Variants in ZNF16 observed in about 807,000 individuals in gnomAD.
ZNF16 encodes zinc finger protein 16.
A neutral mutation model predicts 9.0 loss-of-function variants in ZNF16; 7 were observed. The observed-to-expected ratio is 0.78, with a 90% confidence interval of 0.44 to 1.47. The LOEUF (loss-of-function observed/expected upper bound fraction) is 1.47, where lower values mean the gene tolerates loss of function less well. Ranked by LOEUF, ZNF16 falls within the 40% of genes most tolerant of loss-of-function variation. The pLI, the probability that ZNF16 is intolerant of heterozygous loss-of-function variation, is 0.01. For synonymous variants in ZNF16, 312 were observed against 301.5 expected (o/e 1.03, Z -0.36); for missense variants, 830 against 854.2 (o/e 0.97, Z 0.35).
chr8:144,944,552 T>C (rs34577979), intron 2 of ZNF16: 34,324 of 152,240 alleles, frequency 0.23, 4,089 homozygotes, highest in East Asian at 0.34. Flanking sequence ...CTGAGCATAT[T>C]TGAGGCAGTT....
rs142959427 is a variant in ZNF16, at chr8:144,933,969, T to C, written c.197-1379A>G. 4.1e-3 allele frequency among the ~76,000 whole-genome samples: 618 copies of C among 152,332 alleles called. 2 individuals are homozygous for C. The highest frequency in any genetic ancestry group is 0.014 in the African/African-American group (601 of 41,570). On this transcript the variant is annotated intron_variant, in intron 2 of 2. Transcript: ENST00000394909. The surrounding 1 kb of genome is among the most constrained non-coding windows in gnomAD (Gnocchi z 5.6). ...AGACCTCTGGTCTAGCTGTAGTCGG[T>C]AGTGCTGAGTGGGTGTGAAGGATGC...
chr8:144,936,553 T>C (rs951456317), intron 2 of ZNF16, among the ~76,000 whole-genome samples: 1 of 152,190 alleles, frequency 6.6e-6, no homozygotes, highest in Non-Finnish European at 1.5e-5. Flanking sequence ...CTTTTATCTT[T>C]TGTTTTTTTG....
chr8:144,949,953 G>A (rs539269129), intron 1 of ZNF16, among the ~76,000 whole-genome samples: 57 of 152,248 alleles, frequency 3.7e-4, no homozygotes, highest in Admixed American at 1.1e-3. Context: ...ACTCTCTCCT[G>A]CCTGCCCCTG....
In ZNF16 at chr8:144,932,263, G is replaced by C; in HGVS notation, c.524C>G (p.Pro175Arg). The C allele has an allele frequency of 6.2e-7, 1 of 1,614,188 alleles. No homozygotes were observed. The highest frequency in any genetic ancestry group is 1.1e-5 in the South Asian group (1 of 91,088). Reference sequence around the variant, plus strand: ...ATATGGATGTGGCCTCTCTTCTGTAGGGATTTCCTGACATGCCATCAGGTT... The same window carrying C: ...ATATGGATGTGGCCTCTCTTCTGTACGGATTTCCTGACATGCCATCAGGTT... ...SPNLMACQEIPTEERPHPYDM... is the reference protein window; with the variant it reads ...SPNLMACQEIRTEERPHPYDM... The change falls in exon 3 of 3, where the codon CCT becomes CGT. Residue 175 changes from proline to arginine, a missense_variant. By Grantham distance (103) the Pro-to-Arg change is moderately radical. Transcript: ENST00000394909. This position sits in a 1 kb window ranked among gnomAD's most constrained non-coding sequence, Gnocchi z 5.0.
Position 144,933,674 on chromosome 8 carries a change from C to G in ZNF16, c.197-1084G>C, listed in dbSNP as rs1275606798. On this transcript the variant is annotated intron_variant, in intron 2 of 2. Transcript: ENST00000394909. This position sits in a 1 kb window ranked among gnomAD's most constrained non-coding sequence, Gnocchi z 5.6. ...GCACTGTCATGCACTCAAACATCCT[C>G]TCAGTGCCTCCTGGCCCTCCTAGAC... Among the ~76,000 whole-genome samples the G allele has an allele frequency of 6.6e-6, 1 of 152,160 alleles. No homozygotes were observed. Among genetic ancestry groups the G allele is most frequent in the Non-Finnish European group, 1.5e-5 (1 of 68,024 alleles).
rs113527605 is a variant in ZNF16 at position 144,945,722 on chromosome 8, T to C, written c.196+289A>G. The C allele has an allele frequency of 7.9e-3, 2,507 of 315,496 alleles. 67 individuals carry two copies. The highest frequency in any genetic ancestry group is 0.048 in the African/African-American group (2,313 of 47,740). 19.5% of individuals were successfully genotyped at this position (315,496 alleles called of 1,614,324 possible). On this transcript the variant is annotated intron_variant, in intron 2 of 2. Coordinates refer to ENST00000394909, the MANE Select transcript of ZNF16 (RefSeq NM_006958.3). ...GGGGAGAGGGCTGCCACCAGCCTGGTTGTTGAATTGGGAAGGGGTCAGGAG... is the reference window on the plus strand; with the variant it reads ...GGGGAGAGGGCTGCCACCAGCCTGGCTGTTGAATTGGGAAGGGGTCAGGAG...
In ZNF16 at chr8:144,932,659, A is replaced by G; in HGVS notation, c.197-69T>C. 1.3e-6 allele frequency: 2 copies of G among 1,525,424 alleles called. No homozygotes were observed. 94.5% of individuals were successfully genotyped at this position (1,525,424 alleles called of 1,614,324 possible). A position where few individuals can be genotyped will look rare whatever the true frequency, so the allele number is the denominator to read the frequency against. ...CAGGAGCAGGAACATAGACAGTCAC[A>G]GTTGCACCCACTAACTGTGGAGGAG... On this transcript the variant is annotated intron_variant, in intron 2 of 2. Transcript: ENST00000394909. This position sits in a 1 kb window ranked among gnomAD's most constrained non-coding sequence, Gnocchi z 5.0.
chr8:144,931,198 G>T lies in ZNF16; in HGVS notation c.1589C>A (p.Ser530Tyr), dbSNP rs754250535. The T allele has an allele frequency of 3.4e-5, 55 of 1,614,028 alleles. No homozygotes were observed. The highest frequency in any genetic ancestry group is 2.8e-4 in the Admixed American group (17 of 59,996). ...HECGKTFGRS[S>Y]NLILHQRVHT... ...GACTCGCTGGTGAAGGATGAGGTTG[G>T]AGCTGCGACCAAAGGTCTTCCCACA... Residue 530 changes from serine (S) to tyrosine (Y), a missense_variant, in exon 3 of 3, where the codon TCC (serine) becomes TAC (tyrosine). By Grantham distance (144) the Ser-to-Tyr change is moderately radical (BLOSUM62 -2). Coordinates refer to ENST00000394909, the MANE Select transcript of ZNF16 (RefSeq NM_006958.3).
intron 1 of ZNF16, among the ~76,000 whole-genome samples, chr8:144,947,127 C>A (rs1220127820): frequency 7.7e-6 from 1 of 129,156 alleles, no homozygotes; most frequent in Non-Finnish European, 1.6e-5. Flanking sequence ...GGGGCCTGTA[C>A]CCTGCTGTGG....
intron 2 of ZNF16, among the ~76,000 whole-genome samples, chr8:144,936,813 G>A (rs576249230): frequency 6.6e-5 from 10 of 151,786 alleles, no homozygotes; most frequent in South Asian, 4.2e-4. Context: ...TGCAACCTCC[G>A]CCTCCTGAGT....
chr8:144,932,075 T>A lies in ZNF16; in HGVS notation c.712A>T (p.Met238Leu). 1.2e-6 allele frequency: 2 copies of A among 1,613,924 alleles called. No individual in the cohort carries two copies. Among genetic ancestry groups the A allele is most frequent in the Non-Finnish European group, 1.7e-6 (2 of 1,179,968 alleles). The change falls in exon 3 of 3, where the codon ATG becomes TTG. Residue 238 changes from methionine (M) to leucine (L), a missense_variant. Coordinates refer to ENST00000394909, the MANE Select transcript of ZNF16 (RefSeq NM_006958.3). The surrounding 1 kb of genome is among the most constrained non-coding windows in gnomAD (Gnocchi z 5.0). ...QIVHTGEASF[M>L]CDDCGKTFSQ... ...AAGGTTTTCCCACAATCATCACACATAAAGGAAGCCTCCCCAGTGTGGACT... is the reference window on the plus strand; with the variant it reads ...AAGGTTTTCCCACAATCATCACACAAAAAGGAAGCCTCCCCAGTGTGGACT...
At chr8:144,937,679 C>T (rs910346387) in intron 2 of ZNF16, among the ~76,000 whole-genome samples, 4 of 152,040 alleles carry the variant, frequency 2.6e-5, no homozygotes, top group Non-Finnish European at 5.9e-5. Flanking sequence ...GGTAGGGGTT[C>T]ACCTTCACTC....
In ZNF16 at chr8:144,931,639, C is replaced by T. The variant is rs745936552; in HGVS notation, c.1148G>A (p.Gly383Glu). ...GEKPFECGEC[G>E]KAFSQSAHLR... Reference sequence around the variant, plus strand: ...GTGTGCACTCTGGCTGAAGGCTTTCCCACACTCGCCACACTCAAAAGGCTT... The same window carrying T: ...GTGTGCACTCTGGCTGAAGGCTTTCTCACACTCGCCACACTCAAAAGGCTT... Residue 383 changes from glycine to glutamate, a missense_variant, in exon 3 of 3, where the codon GGG (glycine) becomes GAG (glutamate). Coordinates refer to ENST00000394909, the MANE Select transcript of ZNF16 (RefSeq NM_006958.3). The T allele has an allele frequency of 3.1e-5, 50 of 1,614,158 alleles. 2 individuals are homozygous for T. In the South Asian group the frequency reaches 5.5e-4, roughly 18 times the overall value.
Position 144,939,496 on chromosome 8 carries a change from T to C in ZNF16, c.196+6515A>G, listed in dbSNP as rs182082519. 3.9e-3 allele frequency among the ~76,000 whole-genome samples: 579 copies of C among 147,496 alleles called. 1 individual carries two copies. Among genetic ancestry groups the C allele is most frequent in the African/African-American group, 0.014 (560 of 39,830 alleles). ...CTGTAGTCCCAGCTACTCAGGAGGCTGAGACAGGAGAATTGCTTGAACCCA... is the reference window on the plus strand; with the variant it reads ...CTGTAGTCCCAGCTACTCAGGAGGCCGAGACAGGAGAATTGCTTGAACCCA... On this transcript the variant is annotated intron_variant, in intron 2 of 2. Transcript: ENST00000394909.
intron 1 of ZNF16, chr8:144,948,566 T>A (rs1472001218): frequency 6.6e-6 from 1 of 152,216 alleles, no homozygotes; most frequent in Admixed American, 6.5e-5. Context: ...TGTTTCTGAA[T>A]AGGGGCATAG....
chr8:144,938,358 T>G (rs556509312), intron 2 of ZNF16, among the ~76,000 whole-genome samples: 1 of 152,396 alleles, frequency 6.6e-6, no homozygotes, highest in Non-Finnish European at 1.5e-5. Context: ...CTAGGTAGTT[T>G]GGATGATTAA....
rs1441342980 is a variant in ZNF16, at chr8:144,931,493, G to A, written c.1294C>T (p.Pro432Ser). 12 of 1,614,136 alleles carry A rather than the reference G, an allele frequency of 7.4e-6. No individual in the cohort carries two copies. Among genetic ancestry groups the A allele is most frequent in the South Asian group, 1.1e-5 (1 of 91,084 alleles). ...KHHRVHTGEK[P>S]YKCSDCGKAF... is the part of the protein sequence containing the mutation. ...TTCCCACAGTCACTGCACTTATAGG[G>A]CTTCTCTCCAGTGTGAACCCTGTGG... is the stretch of plus-strand genomic sequence containing the variant. The change falls in exon 3 of 3, where the codon CCC becomes TCC. Residue 432 changes from proline to serine, a missense_variant. Physicochemically the swap from Pro to Ser is moderately conservative, Grantham distance 74 (BLOSUM62 -1). Transcript: ENST00000394909.
chr8:144,935,291 CTCCTGGGT>C (rs1225486930), intron 2 of ZNF16, among the ~76,000 whole-genome samples: 1 of 152,124 alleles, frequency 6.6e-6, no homozygotes, highest in Non-Finnish European at 1.5e-5. Flanking sequence ...CAACCTCTGC[CTCCTGGGT>C]TCAAGTGATT....
intron 2 of ZNF16, among the ~76,000 whole-genome samples, chr8:144,941,460 G>C (rs1209165561): frequency 1.3e-5 from 2 of 152,082 alleles, no homozygotes; most frequent in Non-Finnish European, 2.9e-5. Flanking sequence ...CATATAGTTG[G>C]ACCATGTTTT....
Sources: allele counts gnomAD v4.1 joint callset (sites outside exome capture counted in the v4.1 genomes callset), GRCh38; gene constraint gnomAD v4.1.1; non-coding constraint Gnocchi (gnomAD v3.1); transcripts MANE v1.5; gene names NCBI Gene and HGNC (gene_info 2026-07-23, HGNC 2026-07-21).